The following VDAC1 variants were observed in gnomAD, a reference collection of about 807,000 sequenced individuals.
VDAC1 encodes the protein non-selective voltage-gated ion channel VDAC1.
VDAC1 carries 10 observed loss-of-function variants against 34.7 expected under a neutral mutation model. The observed-to-expected ratio is 0.29, with a 90% CI of 0.18 to 0.49. The LOEUF (loss-of-function observed/expected upper bound fraction) is 0.49, where lower values mean the gene tolerates loss of function less well. Among genes scored for constraint, VDAC1 ranks in the 20% least tolerant of loss-of-function variants. VDAC1 has a pLI of 0.99. For synonymous variants in VDAC1, 130 were observed against 136.0 expected (o/e 0.96, Z 0.30); for missense variants, 230 against 347.9 (o/e 0.66, Z 2.69).
chr5:133,992,798 T>C, intron 2 of VDAC1, 148 bp downstream of exon 2: 1 of 748,806 alleles, frequency 1.3e-6, no homozygotes, highest in Admixed American at 3.3e-5. Flanking sequence ...TTGCTACAAT[T>C]GCCACACAAA....
At chr5:134,007,441 T>C (rs1580739537), upstream of VDAC1, among the ~76,000 whole-genome samples, 1 of 151,964 alleles carries the variant, frequency 6.6e-6, no homozygotes, top group Middle Eastern at 3.4e-3. Flanking sequence ...TCTCAAGAAA[T>C]AGTATTAGTA....
chr5:134,056,556 C>T, the VDAC1 span, among the ~76,000 whole-genome samples: 813 of 152,070 alleles, frequency 5.3e-3, 6 homozygotes, highest in African/African-American at 0.019. Context: ...CCTCTAGCCT[C>T]GGCCTCCCGA....
At chr5:134,004,197 G>T (rs1015016006) in intron 1 of VDAC1, among the ~76,000 whole-genome samples, 1 of 152,058 alleles carries the variant, frequency 6.6e-6, no homozygotes, top group Non-Finnish European at 1.5e-5. Flanking sequence ...TCCCCGAGGC[G>T]GCAGCGTGGC....
the VDAC1 span, among the ~76,000 whole-genome samples, chr5:134,078,426 G>T: frequency 2.0e-3 from 303 of 152,236 alleles, no homozygotes; most frequent in African/African-American, 7.0e-3. Flanking sequence ...CACTACACAA[G>T]GCCCAGGAGG....
chr5:134,043,136 A>T, the VDAC1 span, among the ~76,000 whole-genome samples: 2 of 152,256 alleles, frequency 1.3e-5, no homozygotes, highest in East Asian at 3.8e-4. Context: ...GAGAAGAGTG[A>T]TCAAGGCTTC....
chr5:134,024,789 T>C, the VDAC1 span, among the ~76,000 whole-genome samples: 1 of 152,194 alleles, frequency 6.6e-6, no homozygotes, highest in Non-Finnish European at 1.5e-5. Context: ...CCAGGTAGAT[T>C]CTGTTCTCTG....
chr5:134,079,908 C>T, the VDAC1 span, among the ~76,000 whole-genome samples: 6 of 152,244 alleles, frequency 3.9e-5, no homozygotes, highest in Non-Finnish European at 5.9e-5. Context: ...GAGGAAAAAC[C>T]AGGCTTCCTG....
the VDAC1 span, among the ~76,000 whole-genome samples, chr5:134,098,955 C>G: frequency 6.6e-6 from 1 of 152,196 alleles, no homozygotes; most frequent in Non-Finnish European, 1.5e-5. Flanking sequence ...GTGGGCAAGC[C>G]AGGCTGGACT....
the VDAC1 span, among the ~76,000 whole-genome samples, chr5:134,030,804 G>T: frequency 6.6e-6 from 1 of 151,912 alleles, no homozygotes; most frequent in Non-Finnish European, 1.5e-5. Flanking sequence ...GTTTTTTAGG[G>T]GTTTTACCAT....
chr5:134,034,822 G>A, the VDAC1 span, among the ~76,000 whole-genome samples: 1 of 152,048 alleles, frequency 6.6e-6, no homozygotes, highest in East Asian at 1.9e-4. Context: ...AAGGAAAGGA[G>A]CAAGGTTAAA....
Position 133,991,777 on chromosome 5 carries a change from G to A in VDAC1, c.117+529C>T, listed in dbSNP as rs76545094. The stretch of plus-strand genomic sequence containing the variant: ...AAAAAGTACCTTCTTTTGGCTTTGC[G>A]GGCCAGGTCACGACAGTTATTTGTT... On this transcript the variant is annotated intron_variant, in intron 3 of 8. Transcript: ENST00000265333. 2.4e-3 allele frequency among the ~76,000 whole-genome samples: 362 copies of A among 151,844 alleles called. 2 individuals are homozygous for A. The highest frequency in any genetic ancestry group is 4.8e-3 in the South Asian group (23 of 4,814).
At chr5:134,079,429 G>A in the VDAC1 span, among the ~76,000 whole-genome samples, 1 of 152,170 alleles carries the variant, frequency 6.6e-6, no homozygotes, top group African/African-American at 2.4e-5. Context: ...GGGAGGAGCG[G>A]GAGGATTTGG....
At chr5:133,996,792 A>C (rs1472253892) in intron 1 of VDAC1, among the ~76,000 whole-genome samples, 1 of 152,228 alleles carries the variant, frequency 6.6e-6, no homozygotes, top group Admixed American at 6.5e-5. Context: ...ATCTGACAAT[A>C]GGAACTCATT....
At chr5:134,064,046 C>T in the VDAC1 span, among the ~76,000 whole-genome samples, 1 of 146,996 alleles carries the variant, frequency 6.8e-6, no homozygotes, top group Non-Finnish European at 1.5e-5. Flanking sequence ...CTATGTTGCC[C>T]AGGCTGGTCA....
chr5:134,021,672 T>C, the VDAC1 span, among the ~76,000 whole-genome samples: 4 of 151,816 alleles, frequency 2.6e-5, no homozygotes, highest in African/African-American at 9.7e-5. Flanking sequence ...GCTTAGAGTG[T>C]AGAAATGGGA....
Position 133,971,880 on chromosome 5 carries a change from T to C in VDAC1, c.*891A>G, listed in dbSNP as rs1752309002. 6.6e-6 allele frequency: 1 copy of C among 152,658 alleles called. No individual in the cohort carries two copies. Among genetic ancestry groups the C allele is most frequent in the South Asian group, 2.1e-4 (1 of 4,830 alleles). The allele number at this position is 152,658 out of a possible 1,614,324, so 9.5% of individuals were successfully genotyped here. On this transcript the variant is annotated 3_prime_UTR_variant, in exon 9 of 9. Coordinates refer to ENST00000265333, the MANE Select transcript of VDAC1 (RefSeq NM_003374.3). ...TAAATCTAAACAAATGCCCTGTTTA[T>C]TTATATTTTATTAATAAAGACAACA...
At chr5:134,025,381 A>G in the VDAC1 span, among the ~76,000 whole-genome samples, 4 of 152,146 alleles carry the variant, frequency 2.6e-5, no homozygotes, top group Admixed American at 2.6e-4. Flanking sequence ...CCATGAGTCA[A>G]ACACCTCCCA....
the VDAC1 span, among the ~76,000 whole-genome samples, chr5:134,089,089 G>T: frequency 2.6e-5 from 4 of 152,310 alleles, no homozygotes; most frequent in South Asian, 8.3e-4. Context: ...ACCAGCCAGG[G>T]GTGCCCAGCC....
the VDAC1 span, among the ~76,000 whole-genome samples, chr5:134,055,965 G>A: frequency 1.5e-4 from 22 of 151,226 alleles, no homozygotes; most frequent in Non-Finnish European, 2.8e-4. Context: ...TTGGCCAGGC[G>A]CGGTGGCTCA....
Sources: gnomAD v4.1 joint callset for allele counts (sites outside exome capture counted in the v4.1 genomes callset) on GRCh38, gnomAD v4.1.1 for gene constraint, MANE v1.5 for transcripts, NCBI Gene and HGNC (gene_info 2026-07-23, HGNC 2026-07-21) for gene names.